CALCRL: variants seen among roughly 807,000 people sequenced by gnomAD.
CALCRL encodes the protein calcitonin gene-related peptide type 1 receptor.
CALCRL carries 27 observed loss-of-function variants against 60.4 expected under a neutral mutation model. That is an observed-to-expected ratio of 0.45 (90% CI 0.33 to 0.62). CALCRL has a LOEUF of 0.62. CALCRL is among the 20% of genes least tolerant of loss of function. The probability of loss-of-function intolerance (pLI) is 0.03; values close to 1 mark genes in which losing one functional copy is unlikely to be tolerated. For synonymous variants in CALCRL, 190 were observed against 182.6 expected, an observed-to-expected ratio of 1.04 and a Z score of -0.33; for missense variants, 424 against 540.7, an observed-to-expected ratio of 0.78 and a Z score of 2.14.
intron 7 of CALCRL, among the ~76,000 whole-genome samples, chr2:187,379,883 T>C (rs1687916053): frequency 6.6e-6 from 1 of 152,176 alleles, no homozygotes; most frequent in South Asian, 2.1e-4. Flanking sequence ...GTTTTAGGAC[T>C]CACAGTTGTA....
chr2:187,376,908 T>A (rs1687779913), intron 8 of CALCRL, among the ~76,000 whole-genome samples: 1 of 152,168 alleles, frequency 6.6e-6, no homozygotes, highest in Non-Finnish European at 1.5e-5. Flanking sequence ...GTATTAGTTT[T>A]TAATTTGCAG....
intron 3 of CALCRL, 117 bp from the exon 4 acceptor site, chr2:187,385,748 G>T: frequency 1.6e-6 from 1 of 641,294 alleles, no homozygotes; most frequent in Non-Finnish European, 2.6e-6. Flanking sequence ...TTACTTTAAA[G>T]ATTTGATAAA....
chr2:187,427,798 A>T (rs979404200), intron 1 of CALCRL, among the ~76,000 whole-genome samples: 1 of 152,202 alleles, frequency 6.6e-6, no homozygotes, highest in African/African-American at 2.4e-5. Flanking sequence ...AGTGACAAAA[A>T]GAAAGAATGG....
At chr2:187,425,657 T>C (rs1256777037) in intron 1 of CALCRL, among the ~76,000 whole-genome samples, 1 of 151,990 alleles carries the variant, frequency 6.6e-6, no homozygotes, top group Non-Finnish European at 1.5e-5. Flanking sequence ...GCATATTTAT[T>C]GATAAACGTA....
chr2:187,389,803 T>C, intron 1 of CALCRL, among the ~76,000 whole-genome samples: 1 of 152,170 alleles, frequency 6.6e-6, no homozygotes, highest in East Asian at 1.9e-4. Context: ...TATAGTTTGA[T>C]CTTCCTTTGA....
At chr2:187,441,121 A>G (rs942477042) in intron 1 of CALCRL, among the ~76,000 whole-genome samples, 1 of 152,094 alleles carries the variant, frequency 6.6e-6, no homozygotes, top group Non-Finnish European at 1.5e-5. Flanking sequence ...AAGGTAAAAA[A>G]TTATATTAGA....
In CALCRL at chr2:187,382,943, A is replaced by G. The variant is rs151218842; in HGVS notation, c.184+230T>C. Among the ~76,000 whole-genome samples the G allele has an allele frequency of 8.0e-3, 1,223 of 152,286 alleles. 16 individuals are homozygous for G. The highest frequency in any genetic ancestry group is 0.028 in the African/African-American group (1,143 of 41,562). ...TATTTGATTTAAATATCTTTGTACC[A>G]TAAAAAGAATCATACTAAAAAGATC... On this transcript the variant is annotated intron_variant, in intron 5 of 14. Transcript: ENST00000392370.
At chr2:187,401,468 CT>C in intron 1 of CALCRL, among the ~76,000 whole-genome samples, 1 of 151,532 alleles carries the variant, frequency 6.6e-6, no homozygotes, top group African/African-American at 2.4e-5. Flanking sequence ...ATACATTTTT[CT>C]TGAAATTTAT....
At chr2:187,360,825 C>T (rs1325491327) in intron 9 of CALCRL, 74 bp from the exon 10 acceptor site, 2 of 1,373,188 alleles carry the variant, frequency 1.5e-6, no homozygotes, top group Admixed American at 2.3e-5. Flanking sequence ...TAGTTTAGCT[C>T]AGGAAACATG....
chr2:187,437,683 CTT>C (rs1339555535), intron 1 of CALCRL, among the ~76,000 whole-genome samples: 1 of 151,996 alleles, frequency 6.6e-6, no homozygotes, highest in East Asian at 1.9e-4. Flanking sequence ...GTAATAATAA[CTT>C]TATCAAAAAT....
intron 1 of CALCRL, among the ~76,000 whole-genome samples, chr2:187,427,309 C>T (rs981779624): frequency 2.0e-5 from 3 of 152,116 alleles, no homozygotes; most frequent in African/African-American, 7.2e-5. Flanking sequence ...GTATGGATAA[C>T]TCACTTCATA....
intron 1 of CALCRL, among the ~76,000 whole-genome samples, chr2:187,420,700 C>T (rs1429104438): frequency 1.3e-5 from 2 of 152,066 alleles, no homozygotes; most frequent in Non-Finnish European, 2.9e-5. Context: ...GAGATGTACT[C>T]TTCTGAGAGT....
intron 1 of CALCRL, among the ~76,000 whole-genome samples, chr2:187,409,401 A>C: frequency 6.6e-6 from 1 of 152,206 alleles, no homozygotes; most frequent in Non-Finnish European, 1.5e-5. Flanking sequence ...CTGTAGGCAA[A>C]AGAAATTTGG....
At chr2:187,356,803 C>T (rs1037704519) in intron 12 of CALCRL, among the ~76,000 whole-genome samples, 4 of 152,170 alleles carry the variant, frequency 2.6e-5, no homozygotes, top group Non-Finnish European at 5.9e-5. Context: ...AACAAATTTA[C>T]AAGAAATAAA....
At chr2:187,369,865 G>T (rs189517645) in intron 8 of CALCRL, among the ~76,000 whole-genome samples, 76 of 152,230 alleles carry the variant, frequency 5.0e-4, no homozygotes, top group African/African-American at 1.8e-3. Context: ...TATTCCAAAT[G>T]GGGAAGACAT....
intron 1 of CALCRL, among the ~76,000 whole-genome samples, chr2:187,441,085 A>C (rs1297297356): frequency 1.3e-5 from 2 of 151,922 alleles, no homozygotes; most frequent in East Asian, 3.9e-4. Flanking sequence ...ATTAGACACA[A>C]AAAAATATTT....
intron 1 of CALCRL, among the ~76,000 whole-genome samples, chr2:187,418,662 A>G (rs966251978): frequency 6.6e-6 from 1 of 152,148 alleles, no homozygotes; most frequent in African/African-American, 2.4e-5. Flanking sequence ...TGCTATTTAA[A>G]TGACCTAGAA....
At chr2:187,352,387 G>C in intron 12 of CALCRL, 55 bp from the exon 13 acceptor site, 1 of 1,007,248 alleles carries the variant, frequency 9.9e-7, no homozygotes, top group South Asian at 1.4e-5. Flanking sequence ...ATATTAAGAA[G>C]CATTATTCAA....
chr2:187,424,853 A>C (rs1198443692), intron 1 of CALCRL, among the ~76,000 whole-genome samples: 1 of 152,026 alleles, frequency 6.6e-6, no homozygotes, highest in South Asian at 2.1e-4. Flanking sequence ...AATATAACTA[A>C]CATACTTTGC....
Sources: allele counts gnomAD v4.1 joint callset (sites outside exome capture counted in the v4.1 genomes callset), GRCh38; gene constraint gnomAD v4.1.1; transcripts MANE v1.5; gene names NCBI Gene and HGNC (gene_info 2026-07-23, HGNC 2026-07-21).